ANXA4: variants seen among roughly 807,000 people sequenced by gnomAD.
ANXA4 encodes annexin A4, also known as 35-beta calcimedin.
Under a neutral mutation model 49.8 loss-of-function variants are expected in ANXA4, and 39 were observed. That is an observed-to-expected ratio of 0.78 (90% CI 0.61 to 1.02). The LOEUF (loss-of-function observed/expected upper bound fraction) is 1.02, where lower values mean the gene tolerates loss of function less well. ANXA4 is among the 50% of genes least tolerant of loss of function. The pLI is 0.00. For synonymous variants in ANXA4, 134 were observed against 152.5 expected (o/e 0.88, Z 0.89); for missense variants, 360 against 410.1 (o/e 0.88, Z 1.05).
At chr2:69,742,309 C>G (rs888209861) in intron 1 of ANXA4, 134 bp downstream of exon 1, 1 of 151,982 alleles carries the variant, frequency 6.6e-6, no homozygotes, top group Non-Finnish European at 1.5e-5. Context: ...GGCTTGCGGG[C>G]AAGCCCGGGC....
chr2:69,682,023 G>C (rs1185433477), intron 2 of ANXA4, among the ~76,000 whole-genome samples: 1 of 151,942 alleles, frequency 6.6e-6, no homozygotes, highest in Non-Finnish European at 1.5e-5. Context: ...ATGTTTTGTA[G>C]AGACAGGGTC....
intron 2 of ANXA4, among the ~76,000 whole-genome samples, chr2:69,698,524 G>T (rs1678229714): frequency 6.6e-6 from 1 of 152,160 alleles, no homozygotes; most frequent in Non-Finnish European, 1.5e-5. Flanking sequence ...GGTGCAGATA[G>T]TGGGAGCCTA....
intron 3 of ANXA4, among the ~76,000 whole-genome samples, chr2:69,797,691 G>T (rs34764641): frequency 0.26 from 40,239 of 152,110 alleles, 5,792 homozygotes; most frequent in Admixed American, 0.45. Context: ...TTCAGAGAAC[G>T]TAAGGGTCAA....
At chr2:69,689,093 C>A (rs1192132968) in intron 2 of ANXA4, among the ~76,000 whole-genome samples, 4 of 151,910 alleles carry the variant, frequency 2.6e-5, no homozygotes, top group Non-Finnish European at 4.4e-5. Flanking sequence ...ATTTTCTTTT[C>A]TTTTCCTTTT....
At chr2:69,776,701 T>C (rs1004369547) in intron 1 of ANXA4, among the ~76,000 whole-genome samples, 11 of 152,186 alleles carry the variant, frequency 7.2e-5, no homozygotes, top group Non-Finnish European at 1.5e-4. Flanking sequence ...ATAATTGTCT[T>C]GGACCACACA....
intron 3 of ANXA4, among the ~76,000 whole-genome samples, chr2:69,727,925 G>A (rs541392684): frequency 1.3e-5 from 2 of 152,226 alleles, no homozygotes; most frequent in South Asian, 4.1e-4. Context: ...TCTGTCTTTC[G>A]TGACCTTAAC....
chr2:69,734,478 T>G (rs1670189261), intron 3 of ANXA4, among the ~76,000 whole-genome samples: 1 of 152,216 alleles, frequency 6.6e-6, no homozygotes, highest in Non-Finnish European at 1.5e-5. Context: ...ATTTAAACAA[T>G]GCTGTCTTGA....
At chr2:69,790,242 C>T (rs560115578) in intron 3 of ANXA4, among the ~76,000 whole-genome samples, 13 of 152,226 alleles carry the variant, frequency 8.5e-5, no homozygotes, top group South Asian at 2.1e-4. Flanking sequence ...CATATTTCCC[C>T]CCTCAGGAAT....
At chr2:69,793,050 G>A (rs1342796216) in intron 3 of ANXA4, among the ~76,000 whole-genome samples, 6 of 151,180 alleles carry the variant, frequency 4.0e-5, no homozygotes, top group African/African-American at 9.7e-5. Flanking sequence ...TCAGGAGATC[G>A]AGACCATCCT....
At chr2:69,659,633 C>T (rs1249536844) in intron 2 of ANXA4, among the ~76,000 whole-genome samples, 2 of 152,198 alleles carry the variant, frequency 1.3e-5, no homozygotes, top group Admixed American at 1.3e-4. Flanking sequence ...TAAAAATCAG[C>T]AATAGAGCAG....
chr2:69,649,023 A>G (rs1186259522), intron 1 of ANXA4, among the ~76,000 whole-genome samples: 1 of 151,242 alleles, frequency 6.6e-6, no homozygotes, highest in Non-Finnish European at 1.5e-5. Context: ...AGTAGCAGGG[A>G]TTACAGGCAT....
Position 69,693,877 on chromosome 2 carries a change from G to A in ANXA4, n.767-26897G>A, listed in dbSNP as rs144949257. On this transcript the variant is annotated intron_variant and non_coding_transcript_variant, in intron 2 of 3. Coordinates refer to the ANXA4 transcript ENST00000418066. ...CAGCTGAGCATTAAACCAAGCACCA[G>A]GCCCTTCTGAATGCAGACCTCTGGA... Among the ~76,000 whole-genome samples the A allele has an allele frequency of 7.1e-3, 1,086 of 152,064 alleles. 7 individuals are homozygous for A. Among genetic ancestry groups the A allele is most frequent in the Non-Finnish European group, 0.011 (770 of 67,980 alleles).
chr2:69,786,732 G>GT (rs1672430733), intron 2 of ANXA4, among the ~76,000 whole-genome samples: 1 of 151,746 alleles, frequency 6.6e-6, no homozygotes, highest in African/African-American at 2.4e-5. Context: ...TTTTGTCTTT[G>GT]TTTTTTTGAG....
intron 2 of ANXA4, among the ~76,000 whole-genome samples, chr2:69,693,061 A>C (rs1678026659): frequency 6.6e-6 from 1 of 152,208 alleles, no homozygotes; most frequent in African/African-American, 2.4e-5. Context: ...TATTAGGTTA[A>C]ATAGATTCTT....
At chr2:69,643,915 G>A, upstream of ANXA4, 2 of 1,154,778 alleles carry the variant, frequency 1.7e-6, no homozygotes, top group Non-Finnish European at 2.1e-6. Flanking sequence ...GAGGACTGGG[G>A]GAAGAGGGTC....
chr2:69,649,922 T>A (rs1437532478), intron 1 of ANXA4, among the ~76,000 whole-genome samples: 1 of 122,956 alleles, frequency 8.1e-6, no homozygotes, highest in African/African-American at 3.2e-5. Flanking sequence ...GTGCCTGGCC[T>A]GATTTTTTTT....
intron 2 of ANXA4, among the ~76,000 whole-genome samples, chr2:69,680,868 G>GTA (rs1677574443): frequency 6.6e-6 from 1 of 152,084 alleles, no homozygotes; most frequent in African/African-American, 2.4e-5. Flanking sequence ...TAATAATGGT[G>GTA]TATTACCTTT....
chr2:69,677,232 A>G, intron 2 of ANXA4, among the ~76,000 whole-genome samples: 1 of 152,096 alleles, frequency 6.6e-6, no homozygotes, highest in East Asian at 1.9e-4. Context: ...GTTCTTCATA[A>G]ATATATAATT....
Position 69,763,089 on chromosome 2 carries a change from C to G in ANXA4, c.-46-18431C>G, listed in dbSNP as rs372798290. Among the ~76,000 whole-genome samples, 5 of 152,264 alleles carry G rather than the reference C, an allele frequency of 3.3e-5. No individual in the cohort carries two copies. In the South Asian group the frequency reaches 1.0e-3, roughly 32 times the overall value. On this transcript the variant is annotated intron_variant, in intron 1 of 12. Transcript: ENST00000394295. ...TGCATCAGAAATAGTAAGTTCCTCA[C>G]GTGAATCAGAAATCCACTGTGGAAG...
Sources: gnomAD v4.1 joint callset for allele counts (sites outside exome capture counted in the v4.1 genomes callset) on GRCh38, gnomAD v4.1.1 for gene constraint, MANE v1.5 for transcripts, NCBI Gene and HGNC (gene_info 2026-07-23, HGNC 2026-07-21) for gene names.